The following MYCBP2 variants were observed in gnomAD, a reference collection of about 807,000 sequenced individuals.
MYCBP2 encodes the protein E3 ubiquitin-protein ligase MYCBP2.
Under a neutral mutation model 525.3 loss-of-function variants are expected in MYCBP2, and 120 were observed. The observed-to-expected ratio is 0.23, with a 90% CI of 0.20 to 0.27. The LOEUF is 0.27. Ranked by LOEUF, MYCBP2 falls within the 10% of genes least tolerant of loss-of-function variation. The probability of loss-of-function intolerance (pLI) is 1.00; values close to 1 mark genes in which losing one functional copy is unlikely to be tolerated. For synonymous variants in MYCBP2, 1,894 were observed against 1,955.8 expected (o/e 0.97, Z 0.83); for missense variants, 4,149 against 5,657.1 (o/e 0.73, Z 8.55).
At position 77,326,607 on chromosome 13, in the gene MYCBP2, C is replaced by G. The variant is rs1345675923; in HGVS notation, c.169G>C (p.Ala57Pro). The G allele has an allele frequency of 1.3e-6, 2 of 1,579,676 alleles. No individual in the cohort carries two copies. Among genetic ancestry groups the G allele is most frequent in the Non-Finnish European group, 1.7e-6 (2 of 1,165,412 alleles). ...TGGTAGTGACCCCGGGAGTCCGCGG[C>G]GGGTAGCCCCAGCCCCAGCCCCGCA... Reference protein sequence around the residue: ...AAAGLGLGLPAADSRGHYQLL... With the variant: ...AAAGLGLGLPPADSRGHYQLL... Residue 57 changes from alanine (A) to proline (P), a missense_variant, in exon 1 of 83, where the codon GCC (alanine) becomes CCC (proline). Transcript: ENST00000544440. This position sits in a 1 kb window ranked among gnomAD's most constrained non-coding sequence, Gnocchi z 4.2.
At chr13:77,180,069 A>C in intron 34 of MYCBP2, 58 bp downstream of exon 34, 1 of 1,371,184 alleles carries the variant, frequency 7.3e-7, no homozygotes, top group Non-Finnish European at 1.0e-6. Context: ...GAAAAAAGAA[A>C]CTGTGTAAAA....
chr13:77,115,052 T>G (rs756521251), intron 55 of MYCBP2, among the ~76,000 whole-genome samples: 1 of 151,922 alleles, frequency 6.6e-6, no homozygotes. Context: ...GAGAAAGAAA[T>G]AAATTCTCTT....
chr13:77,165,524 T>C, intron 41 of MYCBP2, 133 bp from the exon 42 acceptor site: 13 of 658,944 alleles, frequency 2.0e-5, no homozygotes, highest in South Asian at 1.0e-4. Context: ...ATAACTTAAA[T>C]AGACTTGCGG....
In MYCBP2 at chr13:77,327,051, G is replaced by A. The variant is rs1193477247; in HGVS notation, c.-276C>T. The A allele has an allele frequency of 2.7e-5, 12 of 437,588 alleles. No homozygotes were observed. Among genetic ancestry groups the A allele is most frequent in the East Asian group, 7.1e-5 (2 of 28,324 alleles). The allele number at this position is 437,588 out of a possible 1,614,324, so 27.1% of individuals were successfully genotyped here. A position where few individuals can be genotyped will look rare whatever the true frequency, so the allele number is the denominator to read the frequency against. The stretch of plus-strand genomic sequence containing the variant: ...TGCCGCCACTGCCGCCGCCACCACC[G>A]CTACCACCGCCACCACCGCCGGGGC... On this transcript the variant is annotated 5_prime_UTR_variant, in exon 1 of 83. Coordinates refer to ENST00000544440, the MANE Select transcript of MYCBP2 (RefSeq NM_015057.5).
At chr13:77,130,030 C>A (rs2052471900) in intron 52 of MYCBP2, among the ~76,000 whole-genome samples, 1 of 151,792 alleles carries the variant, frequency 6.6e-6, no homozygotes, top group Non-Finnish European at 1.5e-5. Flanking sequence ...GAAAAATTAA[C>A]ATCTTCACAA....
chr13:77,126,126 T>C (rs2051625217), intron 53 of MYCBP2, among the ~76,000 whole-genome samples, 192 bp downstream of exon 53: 1 of 152,208 alleles, frequency 6.6e-6, no homozygotes, highest in South Asian at 2.1e-4. Flanking sequence ...AATATATTGT[T>C]TACACAAGGA....
intron 57 of MYCBP2, among the ~76,000 whole-genome samples, 167 bp downstream of exon 57, chr13:77,096,145 G>A (rs1240463724): frequency 6.6e-6 from 1 of 151,910 alleles, no homozygotes; most frequent in Non-Finnish European, 1.5e-5. Context: ...AAAATTAAAA[G>A]CATTTGACTT....
intron 26 of MYCBP2, among the ~76,000 whole-genome samples, chr13:77,200,100 C>A (rs201784495): frequency 7.2e-5 from 11 of 151,834 alleles, no homozygotes; most frequent in African/African-American, 2.7e-4. Context: ...CTCTGAGCTA[C>A]GGGAGGACAT....
At chr13:77,205,176 A>T (rs1367478838) in intron 26 of MYCBP2, 80 bp downstream of exon 26, 1 of 1,256,828 alleles carries the variant, frequency 8.0e-7, no homozygotes, top group Non-Finnish European at 1.0e-6. Flanking sequence ...AAAAAATTAG[A>T]CATTAAATAA....
chr13:77,226,700 A>T (rs2066327253), intron 18 of MYCBP2, among the ~76,000 whole-genome samples: 2 of 152,170 alleles, frequency 1.3e-5, no homozygotes, highest in South Asian at 4.1e-4. Flanking sequence ...CCTAACCTTT[A>T]GTAACATCCA....
At chr13:77,266,016 T>C (rs2074015199) in intron 8 of MYCBP2, among the ~76,000 whole-genome samples, 1 of 152,190 alleles carries the variant, frequency 6.6e-6, no homozygotes, top group African/African-American at 2.4e-5. Flanking sequence ...AAGTTGCATT[T>C]CACAAGTTAA....
At chr13:77,124,620 A>T (rs2154164359) in intron 54 of MYCBP2, among the ~76,000 whole-genome samples, 1 of 152,316 alleles carries the variant, frequency 6.6e-6, no homozygotes, top group Middle Eastern at 3.4e-3. Context: ...TCCACAAGGG[A>T]CTCATAACTG....
At chr13:77,220,762 A>T (rs1386940531) in intron 20 of MYCBP2, among the ~76,000 whole-genome samples, 1 of 152,194 alleles carries the variant, frequency 6.6e-6, no homozygotes, top group Non-Finnish European at 1.5e-5. Context: ...TTAATAACAG[A>T]GTTCTTGGTT....
chr13:77,125,220 G>A (rs1248397848), intron 54 of MYCBP2, 116 bp downstream of exon 54: 2 of 1,293,730 alleles, frequency 1.5e-6, no homozygotes, highest in Non-Finnish European at 2.1e-6. Context: ...TTTTAGTTTT[G>A]CTTGTTAAAA....
intron 36 of MYCBP2, among the ~76,000 whole-genome samples, chr13:77,175,485 A>G (rs1020374886): frequency 6.6e-6 from 1 of 152,220 alleles, no homozygotes; most frequent in Non-Finnish European, 1.5e-5. Flanking sequence ...AAATTTCACA[A>G]TAAAAGCTTT....
At chr13:77,191,287 C>T (rs1035483342) in intron 28 of MYCBP2, among the ~76,000 whole-genome samples, 2 of 152,126 alleles carry the variant, frequency 1.3e-5, no homozygotes, top group Non-Finnish European at 2.9e-5. Flanking sequence ...ACACACATTG[C>T]TGAAGCTTTG....
intron 13 of MYCBP2, among the ~76,000 whole-genome samples, chr13:77,258,538 T>C (rs978917011): frequency 1.3e-5 from 2 of 152,238 alleles, no homozygotes; most frequent in African/African-American, 2.4e-5. Context: ...AAATTACAAA[T>C]AGTATCAATC....
At chr13:77,213,483 GA>G (rs564797939) in intron 21 of MYCBP2, among the ~76,000 whole-genome samples, 5 of 146,744 alleles carry the variant, frequency 3.4e-5, no homozygotes, top group East Asian at 2.0e-4. Context: ...GTCTCAAAAA[GA>G]AAAAAAAAAG....
rs940932398 is a variant in MYCBP2, at chr13:77,264,013, G to C, written c.1358-11C>G. Reference sequence around the variant, plus strand: ...CTTCAGTGTGGCAATCTGTGCAAAAGAAAAAGTATTTATATTACAATACAA... The same window carrying C: ...CTTCAGTGTGGCAATCTGTGCAAAACAAAAAGTATTTATATTACAATACAA... On this transcript the variant is annotated splice_polypyrimidine_tract_variant and intron_variant, in intron 8 of 82. Coordinates refer to ENST00000544440, the MANE Select transcript of MYCBP2 (RefSeq NM_015057.5). 2.5e-6 allele frequency: 4 copies of C among 1,606,918 alleles called. No individual in the cohort carries two copies. In the African/African-American group the frequency reaches 5.4e-5, roughly 22 times the overall value.
Sources: allele counts gnomAD v4.1 joint callset (sites outside exome capture counted in the v4.1 genomes callset), GRCh38; gene constraint gnomAD v4.1.1; non-coding constraint Gnocchi (gnomAD v3.1); transcripts MANE v1.5; gene names NCBI Gene and HGNC (gene_info 2026-07-23, HGNC 2026-07-21).